DHRSX: variants seen among roughly 807,000 people sequenced by gnomAD.
The protein encoded by DHRSX is polyprenol dehydrogenase.
In DHRSX, 31 loss-of-function variants were observed where a neutral mutation model predicts 34.0. The ratio of observed to expected loss-of-function variants is 0.91; its 90% CI spans 0.69 to 1.23. The LOEUF (loss-of-function observed/expected upper bound fraction) is 1.23, where lower values mean the gene tolerates loss of function less well. Among genes scored for constraint, DHRSX ranks in the 50% most tolerant of loss-of-function variants. The pLI is 0.00. For missense variants in DHRSX, 414 were observed against 428.1 expected (o/e 0.97, Z 0.29); for synonymous variants, 201 against 183.8 (o/e 1.09, Z -0.76).
chrX:2,231,596 TC>T (rs1156558832), intron 6 of DHRSX, among the ~76,000 whole-genome samples: 1 of 56,382 alleles, frequency 1.8e-5, no homozygotes, highest in East Asian at 9.3e-4. Context: ...TCCTCCTTTT[TC>T]TTTTTTCCCT....
At chrX:2,269,275 CAAAT>C (rs1345406088) in intron 4 of DHRSX, among the ~76,000 whole-genome samples, 1 of 152,132 alleles carries the variant, frequency 6.6e-6, no homozygotes, top group African/African-American at 2.4e-5. Flanking sequence ...TATCTACACA[CAAAT>C]ATATAGAGGT....
intron 3 of DHRSX, among the ~76,000 whole-genome samples, chrX:2,403,881 G>C (rs1269153101): frequency 6.6e-6 from 1 of 151,606 alleles, no homozygotes; most frequent in African/African-American, 2.4e-5. Flanking sequence ...AAAATTATTG[G>C]TCAAAATTCA....
intron 3 of DHRSX, among the ~76,000 whole-genome samples, chrX:2,392,842 CATT>C (rs1456241517): frequency 8.5e-4 from 119 of 139,772 alleles, no homozygotes; most frequent in African/African-American, 3.0e-3. Context: ...TTATAGTTAT[CATT>C]ATATATTTAT....
intron 3 of DHRSX, among the ~76,000 whole-genome samples, chrX:2,311,416 T>C (rs1328176633): frequency 2.0e-5 from 3 of 152,174 alleles, no homozygotes; most frequent in Non-Finnish European, 4.4e-5. Context: ...GCTCCTCGGA[T>C]ACACAGCTGT....
At chrX:2,464,035 CA>C (rs1404141230) in intron 1 of DHRSX, among the ~76,000 whole-genome samples, 14 of 152,184 alleles carry the variant, frequency 9.2e-5, no homozygotes, top group African/African-American at 1.4e-4. Flanking sequence ...CACCTGTACA[CA>C]CTGGAGACGT....
intron 5 of DHRSX, among the ~76,000 whole-genome samples, chrX:2,262,250 A>C (rs2041373343): frequency 6.6e-6 from 1 of 152,198 alleles, no homozygotes. Context: ...AGCTGAGAAG[A>C]AGCCTGAGAA....
chrX:2,233,879 T>C (rs1271281043), intron 6 of DHRSX, among the ~76,000 whole-genome samples: 2 of 152,158 alleles, frequency 1.3e-5, no homozygotes, highest in Non-Finnish European at 2.9e-5. Context: ...AATTACATAA[T>C]TACACAGAGC....
At chrX:2,427,359 G>T (rs1018303224) in intron 1 of DHRSX, among the ~76,000 whole-genome samples, 1 of 152,188 alleles carries the variant, frequency 6.6e-6, no homozygotes, top group Non-Finnish European at 1.5e-5. Context: ...TCATCACGGG[G>T]CTCTGAGCCA....
At chrX:2,441,420 G>C in intron 1 of DHRSX, among the ~76,000 whole-genome samples, 1 of 152,224 alleles carries the variant, frequency 6.6e-6, no homozygotes, top group Middle Eastern at 3.4e-3. Flanking sequence ...GTCATCTGTG[G>C]ACACAGATCT....
intron 6 of DHRSX, among the ~76,000 whole-genome samples, chrX:2,226,696 G>GA (rs2015670310): frequency 1.6e-4 from 1 of 6,410 alleles, no homozygotes; most frequent in Admixed American, 1.2e-3. Context: ...AGCTACTCGG[G>GA]AGGCAGGAGA....
At chrX:2,352,134 C>G (rs1375297191) in intron 3 of DHRSX, among the ~76,000 whole-genome samples, 1 of 152,086 alleles carries the variant, frequency 6.6e-6, no homozygotes, top group Non-Finnish European at 1.5e-5. Flanking sequence ...GATGTCCTCC[C>G]GTATTCTCTA....
At chrX:2,244,169 G>A (rs1651934877) in intron 5 of DHRSX, among the ~76,000 whole-genome samples, 2 of 152,104 alleles carry the variant, frequency 1.3e-5, no homozygotes, top group African/African-American at 4.8e-5. Flanking sequence ...CACATCTACT[G>A]CAAGCTCTGT....
At chrX:2,445,363 G>A (rs1158914459) in intron 1 of DHRSX, among the ~76,000 whole-genome samples, 1 of 152,004 alleles carries the variant, frequency 6.6e-6, no homozygotes, top group Non-Finnish European at 1.5e-5. Context: ...GTATTTCACA[G>A]CACTAACCTT....
intron 3 of DHRSX, among the ~76,000 whole-genome samples, chrX:2,344,591 A>C (rs1012576220): frequency 5.3e-5 from 8 of 152,174 alleles, no homozygotes; most frequent in African/African-American, 9.6e-5. Flanking sequence ...GGAAACCATC[A>C]TTCTCAGCAA....
At chrX:2,351,955 G>A (rs1423234459) in intron 3 of DHRSX, among the ~76,000 whole-genome samples, 1 of 152,138 alleles carries the variant, frequency 6.6e-6, no homozygotes, top group Admixed American at 6.6e-5. Context: ...CCTGACCTCA[G>A]GTGATCCACC....
chrX:2,225,799 C>T (rs867679014), intron 6 of DHRSX, among the ~76,000 whole-genome samples: 5 of 151,980 alleles, frequency 3.3e-5, no homozygotes, highest in African/African-American at 4.8e-5. Context: ...CCAGCCCTGC[C>T]CACACCTTGA....
chrX:2,356,455 G>C (rs762639937), intron 3 of DHRSX, among the ~76,000 whole-genome samples: 97 of 150,726 alleles, frequency 6.4e-4, no homozygotes, highest in Admixed American at 4.7e-4. Flanking sequence ...GAATGTAGAA[G>C]AAAAAGATGA....
intron 1 of DHRSX, among the ~76,000 whole-genome samples, chrX:2,493,653 G>C (rs2045214094): frequency 6.6e-6 from 1 of 151,724 alleles, no homozygotes; most frequent in African/African-American, 2.4e-5. Flanking sequence ...GGCTGAAAAA[G>C]GTCTCAGTAC....
intron 1 of DHRSX, among the ~76,000 whole-genome samples, chrX:2,481,104 A>G (rs1271101287): frequency 6.6e-6 from 1 of 152,216 alleles, no homozygotes; most frequent in Non-Finnish European, 1.5e-5. Flanking sequence ...GGTTAATAAT[A>G]TGGTAACCAG....
Sources: allele counts gnomAD v4.1 joint callset (sites outside exome capture counted in the v4.1 genomes callset), GRCh38; gene constraint gnomAD v4.1.1; transcripts MANE v1.5; gene names NCBI Gene and HGNC (gene_info 2026-07-23, HGNC 2026-07-21).